ATXN7L1: variants seen among roughly 807,000 people sequenced by gnomAD.
ATXN7L1 encodes the protein ataxin 7 like 1, also known as ataxin-7-like protein 1.
ATXN7L1 carries 15 observed loss-of-function variants against 70.8 expected under a neutral mutation model. The observed-to-expected ratio is 0.21, with a 90% CI of 0.14 to 0.33. ATXN7L1 has a LOEUF of 0.33. Among genes scored for constraint, ATXN7L1 ranks in the 10% least tolerant of loss-of-function variants. The pLI, the probability that ATXN7L1 is intolerant of heterozygous loss-of-function variation, is 1.00. For synonymous variants in ATXN7L1, 440 were observed against 445.1 expected, an observed-to-expected ratio of 0.99 and a Z score of 0.14; for missense variants, 975 against 1,097.1, an observed-to-expected ratio of 0.89 and a Z score of 1.57.
Position 105,694,273 on chromosome 7 carries a change from T to A in ATXN7L1, c.356-28985A>T, listed in dbSNP as rs180753208. On this transcript the variant is annotated intron_variant, in intron 3 of 11. Transcript: ENST00000419735. ...GTTGGCCAGGCTGGTCTCGATCTCC[T>A]GATCTCAGGCAATCCACCTGCCTTG... Among the ~76,000 whole-genome samples the A allele has an allele frequency of 1.0e-3, 152 of 152,062 alleles. 1 individual carries two copies. The highest frequency in any genetic ancestry group is 1.8e-3 in the Non-Finnish European group (122 of 67,964).
chr7:105,717,756 G>A (rs572329686), intron 3 of ATXN7L1, among the ~76,000 whole-genome samples: 2 of 152,230 alleles, frequency 1.3e-5, no homozygotes, highest in South Asian at 4.2e-4. Context: ...TTTCATAAGT[G>A]AAAAATACTA....
intron 3 of ATXN7L1, among the ~76,000 whole-genome samples, chr7:105,766,435 G>T (rs1801260136): frequency 1.3e-5 from 2 of 152,138 alleles, no homozygotes; most frequent in South Asian, 4.1e-4. Context: ...CCGAGACATT[G>T]ATTTGATTAG....
chr7:105,736,115 T>C (rs1413758099), intron 3 of ATXN7L1, among the ~76,000 whole-genome samples: 1 of 151,982 alleles, frequency 6.6e-6, no homozygotes, highest in Non-Finnish European at 1.5e-5. Context: ...ACTGGAGAAA[T>C]AGGATCCAGT....
At chr7:105,692,411 T>TTCCC (rs1554431637) in intron 3 of ATXN7L1, among the ~76,000 whole-genome samples, 1 of 119,416 alleles carries the variant, frequency 8.4e-6, no homozygotes, top group African/African-American at 3.1e-5. Flanking sequence ...CCTTCCTTCC[T>TTCCC]TCCTTCCTTC....
chr7:105,733,481 T>C (rs1796802712), intron 3 of ATXN7L1, among the ~76,000 whole-genome samples: 1 of 149,620 alleles, frequency 6.7e-6, no homozygotes, highest in Admixed American at 6.7e-5. Context: ...CTCCAGGAGG[T>C]CCATCCATCC....
chr7:105,672,458 C>T (rs752346759), intron 3 of ATXN7L1, among the ~76,000 whole-genome samples: 2 of 152,208 alleles, frequency 1.3e-5, no homozygotes, highest in Non-Finnish European at 2.9e-5. Context: ...AGGTAATATT[C>T]AATCATTAAT....
In ATXN7L1 at chr7:105,765,139, G is replaced by A. The variant is rs372804783; in HGVS notation, c.355+23465C>T. On this transcript the variant is annotated intron_variant, in intron 3 of 11. Transcript: ENST00000419735. ...ACTTGAGGTCAGGAGTTCGAGACGAGCCTGGCCAACATGGTGAAACCCCGT... is the reference window on the plus strand; with the variant it reads ...ACTTGAGGTCAGGAGTTCGAGACGAACCTGGCCAACATGGTGAAACCCCGT... 2.0e-5 allele frequency among the ~76,000 whole-genome samples: 3 copies of A among 152,126 alleles called. No individual in the cohort carries two copies. The East Asian group carries it at 5.8e-4, about 29-fold the overall frequency.
intron 3 of ATXN7L1, among the ~76,000 whole-genome samples, chr7:105,713,282 G>GCC (rs1794147559): frequency 6.6e-6 from 1 of 152,190 alleles, no homozygotes; most frequent in African/African-American, 2.4e-5. Flanking sequence ...ATCAGATGGG[G>GCC]CCTGGTGATG....
chr7:105,790,086 A>T (rs1804912141), intron 2 of ATXN7L1, among the ~76,000 whole-genome samples: 5 of 152,348 alleles, frequency 3.3e-5, no homozygotes, highest in African/African-American at 1.2e-4. Flanking sequence ...ATTTATATGA[A>T]ATGTCCAGAA....
chr7:105,644,788 T>C (rs892729280), intron 4 of ATXN7L1, among the ~76,000 whole-genome samples: 2 of 152,162 alleles, frequency 1.3e-5, no homozygotes, highest in Admixed American at 6.5e-5. Context: ...AGCCACAAGT[T>C]AAGAAATCAG....
In ATXN7L1 at chr7:105,689,649, C is replaced by G. The variant is rs115159130; in HGVS notation, c.356-24361G>C. ...GTCCTCCCGGTCCCAACCAGACATACGGAGGAGGCACGGGGAAGTGGAACA... is the reference window on the plus strand; with the variant it reads ...GTCCTCCCGGTCCCAACCAGACATAGGGAGGAGGCACGGGGAAGTGGAACA... On this transcript the variant is annotated intron_variant, in intron 3 of 11. Coordinates refer to ENST00000419735, the MANE Select transcript of ATXN7L1 (RefSeq NM_020725.2). Among the ~76,000 whole-genome samples the G allele has an allele frequency of 5.2e-3, 798 of 152,276 alleles. 9 individuals carry two copies. Among genetic ancestry groups the G allele is most frequent in the African/African-American group, 0.018 (767 of 41,552 alleles).
At chr7:105,719,768 T>C (rs894393141) in intron 3 of ATXN7L1, among the ~76,000 whole-genome samples, 3 of 152,142 alleles carry the variant, frequency 2.0e-5, no homozygotes, top group Admixed American at 2.0e-4. Context: ...AGAAGACAGA[T>C]AAAAACTCAC....
At chr7:105,610,639 G>T (rs537461663) in intron 10 of ATXN7L1, 36 bp from the exon 11 acceptor site, 2 of 1,532,590 alleles carry the variant, frequency 1.3e-6, no homozygotes, top group Admixed American at 4.0e-5. Context: ...TCAGACACAC[G>T]AGCCAGCCTG....
At chr7:105,624,791 G>A (rs1476315963) in intron 7 of ATXN7L1, among the ~76,000 whole-genome samples, 1 of 152,230 alleles carries the variant, frequency 6.6e-6, no homozygotes, top group Non-Finnish European at 1.5e-5. Context: ...GTCAAGTTAG[G>A]TTCTGCCCCA....
At chr7:105,624,966 T>C (rs1162509571) in intron 7 of ATXN7L1, among the ~76,000 whole-genome samples, 1 of 152,242 alleles carries the variant, frequency 6.6e-6, no homozygotes, top group Non-Finnish European at 1.5e-5. Context: ...GTACTTGCCA[T>C]ACAGTTGCTT....
At chr7:105,668,242 C>CT (rs940443444) in intron 3 of ATXN7L1, among the ~76,000 whole-genome samples, 8 of 151,792 alleles carry the variant, frequency 5.3e-5, no homozygotes, top group Admixed American at 2.0e-4. Flanking sequence ...CAGAAAAAAC[C>CT]TTTTTTTTGA....
chr7:105,722,448 G>T (rs942096901), intron 3 of ATXN7L1, among the ~76,000 whole-genome samples: 1 of 151,586 alleles, frequency 6.6e-6, no homozygotes, highest in Non-Finnish European at 1.5e-5. Context: ...TATAGTTCCA[G>T]CTACTCAAAA....
chr7:105,863,437 G>T (rs1165523712), intron 2 of ATXN7L1, among the ~76,000 whole-genome samples: 1 of 152,232 alleles, frequency 6.6e-6, no homozygotes, highest in Non-Finnish European at 1.5e-5. Context: ...TCTTGGCCAA[G>T]GATGGTGAGA....
intron 2 of ATXN7L1, among the ~76,000 whole-genome samples, chr7:105,809,960 C>T (rs1023454473): frequency 7.9e-5 from 12 of 152,084 alleles, no homozygotes; most frequent in East Asian, 5.8e-4. Context: ...TTTGTAGAGA[C>T]GAGGTCTCAC....
Sources: allele counts gnomAD v4.1 joint callset (sites outside exome capture counted in the v4.1 genomes callset), GRCh38; gene constraint gnomAD v4.1.1; transcripts MANE v1.5; gene names NCBI Gene and HGNC (gene_info 2026-07-23, HGNC 2026-07-21).